The following EXT1 variants were observed in gnomAD, a reference collection of about 807,000 sequenced individuals.
EXT1 encodes exostosin glycosyltransferase 1.
In EXT1, 20 loss-of-function variants were observed where a neutral mutation model predicts 82.5. The ratio of observed to expected loss-of-function variants is 0.24; its 90% CI spans 0.17 to 0.35. EXT1 has a LOEUF of 0.35. EXT1 is among the 10% of genes least tolerant of loss of function. EXT1 has a pLI of 1.00. For missense variants in EXT1, 757 were observed against 936.5 expected, an observed-to-expected ratio of 0.81 and a Z score of 2.50; for synonymous variants, 348 against 350.8, an observed-to-expected ratio of 0.99 and a Z score of 0.09.
At chr8:117,983,757 A>T (rs1815256028) in intron 1 of EXT1, among the ~76,000 whole-genome samples, 1 of 152,230 alleles carries the variant, frequency 6.6e-6, no homozygotes, top group Non-Finnish European at 1.5e-5. Context: ...ACAAATAGAT[A>T]TGTCATTGTT....
intron 1 of EXT1, among the ~76,000 whole-genome samples, chr8:117,882,786 G>A (rs1435712122): frequency 1.3e-5 from 2 of 151,924 alleles, no homozygotes; most frequent in Non-Finnish European, 2.9e-5. Flanking sequence ...ATACCATACT[G>A]GCCAACATGG....
intron 1 of EXT1, among the ~76,000 whole-genome samples, chr8:117,915,143 C>T (rs1191690813): frequency 7.2e-5 from 11 of 152,236 alleles, no homozygotes; most frequent in East Asian, 3.9e-4. Context: ...ATTTCTCAGC[C>T]GGCCAACACT....
At chr8:117,964,061 CTG>C (rs1156785017) in intron 1 of EXT1, among the ~76,000 whole-genome samples, 1 of 152,152 alleles carries the variant, frequency 6.6e-6, no homozygotes, top group African/African-American at 2.4e-5. Context: ...GTAGAAACCA[CTG>C]TGCATTGCCA....
At chr8:117,952,231 G>C (rs1034975445) in intron 1 of EXT1, among the ~76,000 whole-genome samples, 1 of 152,140 alleles carries the variant, frequency 6.6e-6, no homozygotes, top group Admixed American at 6.5e-5. Flanking sequence ...TTATTAAATA[G>C]CATACACATT....
chr8:117,878,927 AG>A (rs1764094364), intron 1 of EXT1, among the ~76,000 whole-genome samples: 1 of 152,208 alleles, frequency 6.6e-6, no homozygotes, highest in Non-Finnish European at 1.5e-5. Flanking sequence ...CTTCATGGTG[AG>A]ACCCACGCTG....
intron 1 of EXT1, among the ~76,000 whole-genome samples, chr8:118,068,259 T>C (rs1292961952): frequency 6.6e-6 from 1 of 152,250 alleles, no homozygotes; most frequent in East Asian, 1.9e-4. Flanking sequence ...TCTTGGCACC[T>C]TGAAAGAAAA....
intron 1 of EXT1, among the ~76,000 whole-genome samples, chr8:117,981,753 CT>C (rs1303716267): frequency 1.9e-4 from 29 of 150,310 alleles, no homozygotes; most frequent in Non-Finnish European, 3.5e-4. Flanking sequence ...AGGCAGGCAC[CT>C]ATAATCCCAG....
At chr8:117,966,527 C>A (rs1351868029) in intron 1 of EXT1, among the ~76,000 whole-genome samples, 1 of 152,138 alleles carries the variant, frequency 6.6e-6, no homozygotes, top group Non-Finnish European at 1.5e-5. Context: ...AGCATAGGGA[C>A]CAGGTGTCAA....
At chr8:117,933,848 TCAAA>T (rs774971811) in intron 1 of EXT1, among the ~76,000 whole-genome samples, 24 of 152,280 alleles carry the variant, frequency 1.6e-4, no homozygotes, top group Non-Finnish European at 2.9e-4. Context: ...TTAATTGTTT[TCAAA>T]CAAACAAGTC....
At chr8:117,817,031 A>C (rs1811834477) in intron 7 of EXT1, among the ~76,000 whole-genome samples, 1 of 152,140 alleles carries the variant, frequency 6.6e-6, no homozygotes, top group Non-Finnish European at 1.5e-5. Flanking sequence ...AACTGTGCTT[A>C]TGGTGAGATT....
chr8:117,952,020 C>A (rs1436505042), intron 1 of EXT1, among the ~76,000 whole-genome samples: 1 of 152,148 alleles, frequency 6.6e-6, no homozygotes, highest in Non-Finnish European at 1.5e-5. Context: ...ATTTTGCTGA[C>A]CCTGGTTTAG....
intron 1 of EXT1, among the ~76,000 whole-genome samples, chr8:118,097,552 C>T (rs1260451473): frequency 6.6e-6 from 1 of 152,208 alleles, no homozygotes; most frequent in Non-Finnish European, 1.5e-5. Flanking sequence ...GGAGAGTCTA[C>T]TGTACAGTTA....
At chr8:117,840,763 C>T (rs116742833) in intron 1 of EXT1, among the ~76,000 whole-genome samples, 378 of 152,102 alleles carry the variant, frequency 2.5e-3, no homozygotes, top group African/African-American at 7.4e-3. Context: ...TTTGAATAAA[C>T]ATTTTTCCAA....
At chr8:117,885,151 G>C (rs1454120460) in intron 1 of EXT1, among the ~76,000 whole-genome samples, 1 of 152,114 alleles carries the variant, frequency 6.6e-6, no homozygotes, top group Non-Finnish European at 1.5e-5. Flanking sequence ...TACTCTTCAA[G>C]ATAAATAATT....
intron 1 of EXT1, among the ~76,000 whole-genome samples, chr8:118,065,049 C>T (rs1816953805): frequency 6.6e-6 from 1 of 151,918 alleles, no homozygotes; most frequent in Admixed American, 6.6e-5. Flanking sequence ...GATGGGGTTT[C>T]ACTATGTTGG....
intron 1 of EXT1, among the ~76,000 whole-genome samples, chr8:117,929,706 T>C (rs1292644448): frequency 1.3e-5 from 2 of 152,176 alleles, no homozygotes; most frequent in African/African-American, 4.8e-5. Context: ...AATTCCTAAC[T>C]ATAAAGCTTT....
chr8:118,100,987 C>G (rs1817709075), intron 1 of EXT1, among the ~76,000 whole-genome samples: 1 of 152,148 alleles, frequency 6.6e-6, no homozygotes. Context: ...ACTTAAGTAT[C>G]AAAGTAGAGA....
chr8:118,041,887 G>A (rs527883070), intron 1 of EXT1, among the ~76,000 whole-genome samples: 13 of 151,414 alleles, frequency 8.6e-5, no homozygotes, highest in Non-Finnish European at 1.6e-4. Context: ...GACAGAGGTT[G>A]CAGTGAGCTG....
At chr8:117,897,741 C>T (rs938293246) in intron 1 of EXT1, among the ~76,000 whole-genome samples, 2 of 151,772 alleles carry the variant, frequency 1.3e-5, no homozygotes, top group South Asian at 2.1e-4. Flanking sequence ...ATTACAGGCG[C>T]GTACAACCAC....
Sources: allele counts gnomAD v4.1 joint callset (sites outside exome capture counted in the v4.1 genomes callset), GRCh38; gene constraint gnomAD v4.1.1; transcripts MANE v1.5; gene names NCBI Gene and HGNC (gene_info 2026-07-23, HGNC 2026-07-21).